Variants in OSBP2 observed in about 807,000 individuals in gnomAD.
OSBP2 encodes the protein oxysterol-binding protein 2.
Under a neutral mutation model 96.0 loss-of-function variants are expected in OSBP2, and 66 were observed. The observed-to-expected ratio is 0.69, with a 90% CI of 0.56 to 0.84. The LOEUF (loss-of-function observed/expected upper bound fraction) is 0.84. Among genes scored for constraint, OSBP2 ranks in the 40% least tolerant of loss-of-function variants. The pLI is 0.00. For missense variants in OSBP2, 1,038 were observed against 1,222.7 expected (o/e 0.85, Z 2.25); for synonymous variants, 525 against 520.9 (o/e 1.01, Z -0.11).
rs10427881 is a variant in OSBP2, at chr22:30,748,097, G to A, written c.853+6728G>A. On this transcript the variant is annotated intron_variant, in intron 2 of 13. Transcript: ENST00000332585. ...TTACCATGTTGGGCAGGCTGGTCTC[G>A]AACTCCTGACCTCAAATGATCCACC... 6.5e-3 allele frequency among the ~76,000 whole-genome samples: 983 copies of A among 151,846 alleles called. 10 individuals are homozygous for A. The highest frequency in any genetic ancestry group is 0.022 in the African/African-American group (930 of 41,412).
At chr22:30,725,312 A>G (rs973038266) in intron 1 of OSBP2, among the ~76,000 whole-genome samples, 5 of 152,112 alleles carry the variant, frequency 3.3e-5, no homozygotes, top group African/African-American at 2.4e-5. Flanking sequence ...CAACACCAGC[A>G]GCCTAGCCAA....
chr22:30,878,581 G>GGCAGAGCTAGCTT (rs2039634200), intron 3 of OSBP2, among the ~76,000 whole-genome samples: 1 of 152,206 alleles, frequency 6.6e-6, no homozygotes, highest in African/African-American at 2.4e-5. Flanking sequence ...CCAGTGAGTG[G>GGCAGAGCTAGCTT]GCAGAGCTAG....
At chr22:30,848,663 T>C (rs1470249221) in intron 2 of OSBP2, among the ~76,000 whole-genome samples, 3 of 152,342 alleles carry the variant, frequency 2.0e-5, no homozygotes, top group African/African-American at 7.2e-5. Context: ...TAGAATTCCA[T>C]TGTATGAAAT....
chr22:30,867,597 C>T (rs1248472384), intron 2 of OSBP2, among the ~76,000 whole-genome samples: 1 of 152,222 alleles, frequency 6.6e-6, no homozygotes, highest in African/African-American at 2.4e-5. Flanking sequence ...TAATCATTGG[C>T]CCAAGTGCCT....
chr22:30,805,493 C>CCTCTATA (rs1252579416), intron 2 of OSBP2, among the ~76,000 whole-genome samples: 1 of 152,176 alleles, frequency 6.6e-6, no homozygotes, highest in Non-Finnish European at 1.5e-5. Flanking sequence ...CATGATTTAA[C>CCTCTATA]CTCTATAAGC....
intron 2 of OSBP2, among the ~76,000 whole-genome samples, chr22:30,853,863 G>A (rs1324562531): frequency 1.3e-5 from 2 of 151,572 alleles, no homozygotes; most frequent in South Asian, 4.2e-4. Context: ...GGGTTCAAGC[G>A]ATTCTCCCGC....
chr22:30,845,224 AG>A, intron 2 of OSBP2, among the ~76,000 whole-genome samples: 1 of 152,326 alleles, frequency 6.6e-6, no homozygotes, highest in East Asian at 1.9e-4. Flanking sequence ...TGAGGTCAGG[AG>A]TTTACAGCCA....
chr22:30,853,414 G>C lies in OSBP2; in HGVS notation c.854-17015G>C, dbSNP rs775691513. 1.4e-3 allele frequency among the ~76,000 whole-genome samples: 211 copies of C among 152,230 alleles called. 5 individuals carry two copies. Among genetic ancestry groups the C allele is most frequent in the Admixed American group, 5.2e-4 (8 of 15,296 alleles). On this transcript the variant is annotated intron_variant, in intron 2 of 13. Coordinates refer to ENST00000332585, the MANE Select transcript of OSBP2 (RefSeq NM_030758.4). ...CTTTCTAAAGTTAAATCTCTTGTGAGTGCTGTTTGCATGGTGTTTCTTTTC... is the reference window on the plus strand; with the variant it reads ...CTTTCTAAAGTTAAATCTCTTGTGACTGCTGTTTGCATGGTGTTTCTTTTC...
rs187513702 is a variant in OSBP2, at chr22:30,757,556, T to A, written c.853+16187T>A. Among the ~76,000 whole-genome samples, 467 of 152,272 alleles carry A rather than the reference T, an allele frequency of 3.1e-3. 2 individuals carry two copies. The highest frequency in any genetic ancestry group is 9.0e-3 in the Admixed American group (137 of 15,278). On this transcript the variant is annotated intron_variant, in intron 2 of 13. Coordinates refer to ENST00000332585, the MANE Select transcript of OSBP2 (RefSeq NM_030758.4). ...TCTCAGTCTCCCGAGTAGCTGGGTCTACAGGTGGGTGCCACCATACCTGGC... is the reference window on the plus strand; with the variant it reads ...TCTCAGTCTCCCGAGTAGCTGGGTCAACAGGTGGGTGCCACCATACCTGGC...
intron 3 of OSBP2, among the ~76,000 whole-genome samples, chr22:30,886,114 T>G (rs1426880925): frequency 6.6e-6 from 1 of 152,226 alleles, no homozygotes; most frequent in African/African-American, 2.4e-5. Context: ...ATGACATAGC[T>G]CTTGGGAGGT....
At chr22:30,834,762 T>C (rs567397391) in intron 2 of OSBP2, among the ~76,000 whole-genome samples, 2 of 152,268 alleles carry the variant, frequency 1.3e-5, no homozygotes, top group Middle Eastern at 3.4e-3. Context: ...TCAGATACAT[T>C]TTCAGAAATA....
At chr22:30,721,380 A>G (rs2089548769) in intron 1 of OSBP2, among the ~76,000 whole-genome samples, 1 of 152,222 alleles carries the variant, frequency 6.6e-6, no homozygotes, top group Non-Finnish European at 1.5e-5. Context: ...CCGGGATCTC[A>G]TCTGTCTCAT....
Position 30,790,306 on chromosome 22 carries a change from G to T in OSBP2, c.853+48937G>T, listed in dbSNP as rs191193684. 4.9e-3 allele frequency among the ~76,000 whole-genome samples: 746 copies of T among 152,212 alleles called. 5 individuals carry two copies. Among genetic ancestry groups the T allele is most frequent in the African/African-American group, 0.015 (625 of 41,528 alleles). On this transcript the variant is annotated intron_variant, in intron 2 of 13. Coordinates refer to ENST00000332585, the MANE Select transcript of OSBP2 (RefSeq NM_030758.4). ...GCTGTGGACCCACTTTTTAAGGAGG[G>T]GGGGGCGGGGAAAGCATAGAAAAGA...
chr22:30,772,793 AT>A (rs136323), intron 2 of OSBP2, among the ~76,000 whole-genome samples: 16,570 of 139,180 alleles, frequency 0.12, 979 homozygotes, highest in Non-Finnish European at 0.15. Context: ...TGTTAAACGC[AT>A]TTTTTTTTTT....
In OSBP2 at chr22:30,782,247, A is replaced by G. The variant is rs147534250; in HGVS notation, c.853+40878A>G. On this transcript the variant is annotated intron_variant, in intron 2 of 13. Transcript: ENST00000332585. The stretch of plus-strand genomic sequence containing the variant: ...CCATGAAACCATCACCACAATCAAG[A>G]TAATGTACACATTCATCATTCCAAA... Among the ~76,000 whole-genome samples, 503 of 152,336 alleles carry G rather than the reference A, an allele frequency of 3.3e-3. 2 individuals are homozygous for G. The highest frequency in any genetic ancestry group is 0.011 in the African/African-American group (452 of 41,580).
chr22:30,756,806 G>T lies in OSBP2; in HGVS notation c.853+15437G>T, dbSNP rs116974542. Among the ~76,000 whole-genome samples the T allele has an allele frequency of 1.6e-4, 25 of 152,324 alleles. No individual in the cohort carries two copies. In the East Asian group the frequency reaches 4.8e-3, roughly 29 times the overall value. ...GAGTGTGGTGGCCACTCAGCTGACG[G>T]AAGTAACATTGTCAGTCTTTGGGTG... On this transcript the variant is annotated intron_variant, in intron 2 of 13. Transcript: ENST00000332585.
intron 2 of OSBP2, among the ~76,000 whole-genome samples, chr22:30,772,118 C>T (rs1409796335): frequency 6.6e-6 from 1 of 152,186 alleles, no homozygotes; most frequent in Non-Finnish European, 1.5e-5. Flanking sequence ...TCTGACCTTG[C>T]AGGCTGGAGT....
chr22:30,874,358 G>A (rs985042870), intron 3 of OSBP2, among the ~76,000 whole-genome samples: 4 of 152,100 alleles, frequency 2.6e-5, no homozygotes, highest in Non-Finnish European at 4.4e-5. Context: ...GTTGCAGTGA[G>A]CCAAGATCAC....
At chr22:30,775,029 T>C (rs1268803442) in intron 2 of OSBP2, among the ~76,000 whole-genome samples, 4 of 152,170 alleles carry the variant, frequency 2.6e-5, no homozygotes, top group Non-Finnish European at 5.9e-5. Context: ...CCTTCCTATT[T>C]CCCCCATTAT....
Sources: allele counts gnomAD v4.1 joint callset (sites outside exome capture counted in the v4.1 genomes callset), GRCh38; gene constraint gnomAD v4.1.1; transcripts MANE v1.5; gene names NCBI Gene and HGNC (gene_info 2026-07-23, HGNC 2026-07-21).